DTNBP1: variants seen among roughly 807,000 people sequenced by gnomAD.
DTNBP1 encodes the protein dysbindin.
Under a neutral mutation model 42.8 loss-of-function variants are expected in DTNBP1, and 35 were observed. That is an observed-to-expected ratio of 0.82 (90% confidence interval 0.63 to 1.09). The LOEUF (loss-of-function observed/expected upper bound fraction) is 1.09, where lower values mean the gene tolerates loss of function less well. DTNBP1 is among the 50% of genes least tolerant of loss of function. The pLI is 0.00. For synonymous variants in DTNBP1, 171 were observed against 162.2 expected (o/e 1.05, Z -0.41); for missense variants, 457 against 424.2 (o/e 1.08, Z -0.68).
At chr6:15,646,377 C>T (rs571701919) in intron 3 of DTNBP1, among the ~76,000 whole-genome samples, 7 of 151,560 alleles carry the variant, frequency 4.6e-5, no homozygotes, top group African/African-American at 1.2e-4. Context: ...ATAGATGACA[C>T]GAATGGAAAA....
intron 9 of DTNBP1, chr6:15,523,719 CCT>C (rs1328214303): frequency 3.3e-5 from 42 of 1,287,084 alleles, no homozygotes; most frequent in African/African-American, 1.4e-4. Flanking sequence ...TAAATCTTCC[CCT>C]GACTCTGGGT....
chr6:15,654,431 T>G (rs769270147), intron 1 of DTNBP1, among the ~76,000 whole-genome samples: 1 of 152,194 alleles, frequency 6.6e-6, no homozygotes, highest in African/African-American at 2.4e-5. Context: ...TTTTTAGTGA[T>G]TCAGGAGAAT....
At chr6:15,641,282 A>G (rs997618439) in intron 3 of DTNBP1, among the ~76,000 whole-genome samples, 5 of 152,174 alleles carry the variant, frequency 3.3e-5, no homozygotes, top group Non-Finnish European at 5.9e-5. Context: ...GTTTTTCTCA[A>G]AAAATAGATC....
chr6:15,610,354 C>T (rs1364927329), intron 6 of DTNBP1, among the ~76,000 whole-genome samples: 2 of 152,212 alleles, frequency 1.3e-5, no homozygotes, highest in Non-Finnish European at 2.9e-5. Flanking sequence ...GCTCCACTGA[C>T]CAGCCATTCT....
At chr6:15,526,607 G>A (rs114804828) in intron 8 of DTNBP1, among the ~76,000 whole-genome samples, 277 of 152,296 alleles carry the variant, frequency 1.8e-3, no homozygotes, top group Non-Finnish European at 3.4e-3. Flanking sequence ...GAGCCCAGCC[G>A]CACAGGGACA....
chr6:15,529,954 G>C (rs188704104), intron 8 of DTNBP1, among the ~76,000 whole-genome samples: 1 of 152,378 alleles, frequency 6.6e-6, no homozygotes, highest in East Asian at 1.9e-4. Flanking sequence ...TCAAGCCTGA[G>C]AGCCTCTGTG....
chr6:15,551,157 G>GA (rs922279713), intron 7 of DTNBP1, among the ~76,000 whole-genome samples: 49 of 149,378 alleles, frequency 3.3e-4, no homozygotes, highest in Middle Eastern at 3.4e-3. Flanking sequence ...GAGGTGATGT[G>GA]AAAAAAAAAA....
intron 5 of DTNBP1, among the ~76,000 whole-genome samples, chr6:15,621,385 C>A (rs1475390372): frequency 6.6e-6 from 1 of 152,212 alleles, no homozygotes; most frequent in Non-Finnish European, 1.5e-5. Flanking sequence ...GATCTCTAGG[C>A]AGGCCAATTA....
chr6:15,565,112 A>G (rs922624042), intron 7 of DTNBP1, among the ~76,000 whole-genome samples: 1 of 152,226 alleles, frequency 6.6e-6, no homozygotes, highest in African/African-American at 2.4e-5. Context: ...CAGGAAAATA[A>G]AAAGACAAAA....
At chr6:15,558,193 AT>A (rs1774633166) in intron 7 of DTNBP1, among the ~76,000 whole-genome samples, 1 of 151,494 alleles carries the variant, frequency 6.6e-6, no homozygotes, top group South Asian at 2.1e-4. Context: ...GCCCAAAGAC[AT>A]TTTGTCATCC....
chr6:15,536,643 T>C (rs1368981046), intron 7 of DTNBP1, among the ~76,000 whole-genome samples: 1 of 152,224 alleles, frequency 6.6e-6, no homozygotes, highest in East Asian at 1.9e-4. Flanking sequence ...ACAGCCCTCA[T>C]GGAGATCTCT....
intron 7 of DTNBP1, among the ~76,000 whole-genome samples, chr6:15,560,292 C>T (rs954362103): frequency 2.0e-5 from 3 of 150,570 alleles, no homozygotes; most frequent in African/African-American, 4.9e-5. Context: ...GGCAACGGAG[C>T]GAGACTGTCT....
chr6:15,659,701 C>T (rs998385528), intron 1 of DTNBP1, among the ~76,000 whole-genome samples: 2 of 151,912 alleles, frequency 1.3e-5, no homozygotes, highest in East Asian at 1.9e-4. Context: ...TACAGACGCA[C>T]GCCACCATGG....
intron 7 of DTNBP1, chr6:15,586,125 T>C (rs1776070229): frequency 1.3e-6 from 1 of 755,380 alleles, no homozygotes; most frequent in Non-Finnish European, 1.6e-6. Flanking sequence ...CAAAGATGCT[T>C]TAGTAACACA....
At chr6:15,625,186 T>C (rs548471709) in intron 5 of DTNBP1, among the ~76,000 whole-genome samples, 6 of 152,252 alleles carry the variant, frequency 3.9e-5, no homozygotes, top group African/African-American at 1.4e-4. Flanking sequence ...AGCAATAGAT[T>C]AAAACCCAAA....
chr6:15,659,553 TTC>T (rs201884941), intron 1 of DTNBP1, among the ~76,000 whole-genome samples: 16,936 of 97,868 alleles, frequency 0.17, 1,209 homozygotes, highest in African/African-American at 0.3. Context: ...TGGGGTTTCT[TTC>T]TTTTTTTTTT....
At chr6:15,527,426 AC>A (rs1772484794) in intron 8 of DTNBP1, among the ~76,000 whole-genome samples, 1 of 152,222 alleles carries the variant, frequency 6.6e-6, no homozygotes, top group South Asian at 2.1e-4. Flanking sequence ...TTTTTAAAAA[AC>A]ATTTATAAAC....
chr6:15,539,569 A>C (rs1773443709), intron 7 of DTNBP1, among the ~76,000 whole-genome samples: 1 of 152,212 alleles, frequency 6.6e-6, no homozygotes, highest in East Asian at 1.9e-4. Context: ...CAGGGAACCT[A>C]GCCAGCACAG....
chr6:15,660,326 C>A, intron 1 of DTNBP1: 6 of 1,286,940 alleles, frequency 4.7e-6, no homozygotes, highest in Non-Finnish European at 6.1e-6. Flanking sequence ...GGAGGTTGAT[C>A]TCAAGCTGAA....
Sources: gnomAD v4.1 joint callset for allele counts (sites outside exome capture counted in the v4.1 genomes callset) on GRCh38, gnomAD v4.1.1 for gene constraint, MANE v1.5 for transcripts, NCBI Gene and HGNC (gene_info 2026-07-23, HGNC 2026-07-21) for gene names.